The following DCLK1 variants were observed in gnomAD, a reference collection of about 807,000 sequenced individuals.
DCLK1 encodes the protein doublecortin like kinase 1, also known as serine/threonine-protein kinase DCLK1.
In DCLK1, 16 loss-of-function variants were observed where a neutral mutation model predicts 86.2. The ratio of observed to expected loss-of-function variants is 0.19; its 90% CI spans 0.13 to 0.28. The LOEUF (loss-of-function observed/expected upper bound fraction) is 0.28. Among genes scored for constraint, DCLK1 ranks in the 10% least tolerant of loss-of-function variants. DCLK1 has a pLI of 1.00. For synonymous variants in DCLK1, 369 were observed against 370.5 expected, an observed-to-expected ratio of 1.00 and a Z score of 0.05; for missense variants, 590 against 940.2, an observed-to-expected ratio of 0.63 and a Z score of 4.87.
chr13:35,968,145 T>C (rs937763635), intron 3 of DCLK1, among the ~76,000 whole-genome samples: 13 of 151,928 alleles, frequency 8.6e-5, no homozygotes, highest in African/African-American at 2.9e-4. Flanking sequence ...AAAAGACAAA[T>C]ATTGTATGAT....
chr13:35,961,145 C>T (rs1171411230), intron 3 of DCLK1, among the ~76,000 whole-genome samples: 1 of 152,174 alleles, frequency 6.6e-6, no homozygotes, highest in East Asian at 1.9e-4. Flanking sequence ...AGACTTGAGT[C>T]ACCTACTCAA....
chr13:36,070,726 C>T (rs1340264360), intron 3 of DCLK1, among the ~76,000 whole-genome samples: 1 of 152,040 alleles, frequency 6.6e-6, no homozygotes, highest in African/African-American at 2.4e-5. Flanking sequence ...ACTGCAACCT[C>T]CGCCTCCTGG....
At chr13:35,826,937 A>G (rs1868521170) in intron 10 of DCLK1, among the ~76,000 whole-genome samples, 1 of 152,212 alleles carries the variant, frequency 6.6e-6, no homozygotes, top group African/African-American at 2.4e-5. Context: ...AAAAGACTTG[A>G]GAACACAACA....
chr13:36,060,865 A>T (rs773066560), intron 3 of DCLK1, among the ~76,000 whole-genome samples: 14 of 152,120 alleles, frequency 9.2e-5, no homozygotes, highest in Non-Finnish European at 1.9e-4. Flanking sequence ...TCTGTGCCCC[A>T]ACAGCCCCCA....
At chr13:35,900,728 C>G (rs1874302897) in intron 4 of DCLK1, among the ~76,000 whole-genome samples, 1 of 152,166 alleles carries the variant, frequency 6.6e-6, no homozygotes, top group Non-Finnish European at 1.5e-5. Flanking sequence ...CACCAGATGC[C>G]AGTAGCATCA....
intron 4 of DCLK1, among the ~76,000 whole-genome samples, chr13:35,923,247 G>A (rs1291677727): frequency 2.6e-5 from 4 of 152,050 alleles, no homozygotes; most frequent in Non-Finnish European, 4.4e-5. Context: ...TAGAGACGGG[G>A]GTCTCAGGAC....
chr13:35,935,451 G>C (rs1165817575), intron 4 of DCLK1, among the ~76,000 whole-genome samples: 3 of 152,150 alleles, frequency 2.0e-5, no homozygotes, highest in Non-Finnish European at 2.9e-5. Context: ...TGGAAAGGAG[G>C]GGGACAGATG....
At chr13:36,023,029 A>T (rs1424866631) in intron 3 of DCLK1, among the ~76,000 whole-genome samples, 1 of 152,208 alleles carries the variant, frequency 6.6e-6, no homozygotes, top group Non-Finnish European at 1.5e-5. Context: ...GTTGAGCAGC[A>T]TATAAAAAGG....
intron 15 of DCLK1, among the ~76,000 whole-genome samples, chr13:35,799,822 G>T (rs981442638): frequency 1.3e-5 from 2 of 152,068 alleles, no homozygotes; most frequent in African/African-American, 4.8e-5. Context: ...ACCGTCATTT[G>T]TGGGGAAAGT....
At chr13:35,982,772 T>C (rs1157522578) in intron 3 of DCLK1, among the ~76,000 whole-genome samples, 1 of 152,086 alleles carries the variant, frequency 6.6e-6, no homozygotes, top group East Asian at 1.9e-4. Flanking sequence ...TTTTTTTTGT[T>C]TGTTTGTTTG....
intron 3 of DCLK1, among the ~76,000 whole-genome samples, chr13:35,971,673 G>T (rs1319219137): frequency 6.6e-6 from 1 of 151,504 alleles, no homozygotes; most frequent in Admixed American, 6.6e-5. Flanking sequence ...TGAAGCAGAA[G>T]AATCTCTTGA....
intron 5 of DCLK1, among the ~76,000 whole-genome samples, chr13:35,854,859 A>G (rs144174120): frequency 1.1e-4 from 16 of 152,308 alleles, no homozygotes; most frequent in African/African-American, 3.6e-4. Context: ...GAATGTATTA[A>G]TGATGTCTTT....
At chr13:35,885,857 ATTGC>A (rs1015469435) in intron 4 of DCLK1, among the ~76,000 whole-genome samples, 3 of 152,166 alleles carry the variant, frequency 2.0e-5, no homozygotes, top group Non-Finnish European at 2.9e-5. Context: ...AATACTTTTG[ATTGC>A]TTTTCAATAA....
At chr13:36,006,200 A>G (rs1205035386) in intron 3 of DCLK1, among the ~76,000 whole-genome samples, 3 of 152,236 alleles carry the variant, frequency 2.0e-5, no homozygotes, top group South Asian at 2.1e-4. Flanking sequence ...TTTGGATTAC[A>G]TAGAAACTTT....
chr13:35,950,504 C>T (rs780259340), intron 3 of DCLK1, among the ~76,000 whole-genome samples: 6 of 152,168 alleles, frequency 3.9e-5, no homozygotes, highest in Non-Finnish European at 7.4e-5. Flanking sequence ...TTTATCTATG[C>T]AGTGTTACTC....
intron 3 of DCLK1, among the ~76,000 whole-genome samples, chr13:36,086,254 T>C (rs1884596561): frequency 6.6e-6 from 1 of 152,124 alleles, no homozygotes; most frequent in South Asian, 2.1e-4. Context: ...GCTGTTTCTG[T>C]GACTTAAAAC....
At chr13:36,049,525 C>A (rs1019315435) in intron 3 of DCLK1, among the ~76,000 whole-genome samples, 1 of 152,098 alleles carries the variant, frequency 6.6e-6, no homozygotes, top group Admixed American at 6.5e-5. Flanking sequence ...TCCTGGCTGT[C>A]CCATGTGGTC....
Position 35,826,002 on chromosome 13 carries a change from C to T in DCLK1, c.1407+1633G>A, listed in dbSNP as rs200137727. 2.6e-5 allele frequency among the ~76,000 whole-genome samples: 4 copies of T among 151,552 alleles called. No homozygotes were observed. The East Asian group carries it at 6.0e-4, about 23-fold the overall frequency. ...TAATTTTTTGTATTTTTAGTAGAGA[C>T]GGGGTTTCACCATGTTGGCCAGGAT... On this transcript the variant is annotated intron_variant, in intron 10 of 16. Coordinates refer to ENST00000360631, the MANE Select transcript of DCLK1 (RefSeq NM_001330071.2).
intron 5 of DCLK1, among the ~76,000 whole-genome samples, chr13:35,861,893 C>T (rs537555510): frequency 2.6e-5 from 4 of 151,722 alleles, no homozygotes; most frequent in Admixed American, 2.6e-4. Context: ...ATTAGCCAGG[C>T]GTGGTGGCGG....
Sources: allele counts gnomAD v4.1 joint callset (sites outside exome capture counted in the v4.1 genomes callset), GRCh38; gene constraint gnomAD v4.1.1; transcripts MANE v1.5; gene names NCBI Gene and HGNC (gene_info 2026-07-23, HGNC 2026-07-21).